Variants in CLVS2 observed in about 807,000 individuals in gnomAD.
CLVS2 encodes the protein clavesin 2.
In CLVS2, 19 loss-of-function variants were observed where a neutral mutation model predicts 29.0. The ratio of observed to expected loss-of-function variants is 0.66; its 90% CI spans 0.46 to 0.96. The LOEUF (loss-of-function observed/expected upper bound fraction) is 0.96, where lower values mean the gene tolerates loss of function less well. Among genes scored for constraint, CLVS2 ranks in the 40% least tolerant of loss-of-function variants. CLVS2 has a pLI of 0.00. For missense variants in CLVS2, 294 were observed against 404.1 expected, an observed-to-expected ratio of 0.73 and a Z score of 2.34; for synonymous variants, 161 against 151.3, an observed-to-expected ratio of 1.06 and a Z score of -0.47.
intron 2 of CLVS2, among the ~76,000 whole-genome samples, chr6:123,008,262 T>C (rs1774697842): frequency 6.6e-6 from 1 of 152,090 alleles, no homozygotes; most frequent in South Asian, 2.1e-4. Context: ...AGATATTGAA[T>C]TCAAAAAAGG....
At chr6:123,055,732 C>G (rs1489718722) in intron 4 of CLVS2, 74 bp from the exon 5 acceptor site, 2 of 1,046,774 alleles carry the variant, frequency 1.9e-6, no homozygotes, top group Non-Finnish European at 3.0e-6. Context: ...ATCCTCACAT[C>G]CCCCCTGTAG....
intron 5 of CLVS2, among the ~76,000 whole-genome samples, chr6:123,060,702 G>A (rs1772763217): frequency 6.6e-6 from 1 of 152,054 alleles, no homozygotes; most frequent in Non-Finnish European, 1.5e-5. Context: ...TTTGTGCCGG[G>A]GTTTATGGAT....
intron 3 of CLVS2, among the ~76,000 whole-genome samples, chr6:123,037,710 C>T (rs949929645): frequency 9.2e-5 from 14 of 151,988 alleles, no homozygotes; most frequent in African/African-American, 3.1e-4. Context: ...CTGTCTCACA[C>T]ATTACTTAGT....
intron 3 of CLVS2, among the ~76,000 whole-genome samples, chr6:123,035,518 T>A (rs1327266652): frequency 6.6e-6 from 1 of 152,136 alleles, no homozygotes. Flanking sequence ...ATCTACCTAG[T>A]TGAGCTACAC....
chr6:123,063,799 A>G lies in CLVS2; in HGVS notation c.*38A>G. 2 of 1,414,526 alleles carry G rather than the reference A, an allele frequency of 1.4e-6. No individual in the cohort carries two copies. The highest frequency in any genetic ancestry group is 2.0e-6 in the Non-Finnish European group (2 of 1,000,518). The allele number at this position is 1,414,526 out of a possible 1,614,324, so 87.6% of individuals were successfully genotyped here. ...ATCCCCTTCATGGATTAGAAATGGA[A>G]AGTATTGGTTTTCAGCAACAGGGAC... On this transcript the variant is annotated 3_prime_UTR_variant, in exon 6 of 6. Transcript: ENST00000275162.
chr6:122,998,540 C>T (rs1223209385), intron 2 of CLVS2, among the ~76,000 whole-genome samples: 1 of 152,100 alleles, frequency 6.6e-6, no homozygotes, highest in Non-Finnish European at 1.5e-5. Flanking sequence ...CCTCCTTCTT[C>T]CTAAAAAAAT....
intron 5 of CLVS2, among the ~76,000 whole-genome samples, chr6:123,057,841 C>A (rs76599622): frequency 1.3e-5 from 2 of 152,108 alleles, no homozygotes; most frequent in African/African-American, 4.8e-5. Context: ...TCTTTTAGAA[C>A]AGAACTTCTC....
At chr6:123,001,101 G>C (rs1774582716) in intron 2 of CLVS2, among the ~76,000 whole-genome samples, 2 of 152,174 alleles carry the variant, frequency 1.3e-5, no homozygotes, top group Admixed American at 1.3e-4. Flanking sequence ...GAGTTGAATT[G>C]AGTTATGCAT....
At chr6:123,002,417 T>C (rs571261117) in intron 2 of CLVS2, among the ~76,000 whole-genome samples, 2 of 152,244 alleles carry the variant, frequency 1.3e-5, no homozygotes, top group South Asian at 4.1e-4. Flanking sequence ...TATTTGTGGT[T>C]CAGTTTGAAT....
intron 5 of CLVS2, among the ~76,000 whole-genome samples, chr6:123,060,845 G>A (rs1477661035): frequency 6.6e-6 from 1 of 152,182 alleles, no homozygotes; most frequent in East Asian, 1.9e-4. Flanking sequence ...GCTGTTATTA[G>A]CAACTGGAGT....
intron 2 of CLVS2, among the ~76,000 whole-genome samples, chr6:123,004,934 A>G (rs1222628080): frequency 2.2e-5 from 2 of 90,244 alleles, no homozygotes; most frequent in African/African-American, 5.3e-5. Flanking sequence ...ACAAAAACAA[A>G]AACAAAAACA....
intron 2 of CLVS2, among the ~76,000 whole-genome samples, chr6:123,007,592 A>C (rs1186303233): frequency 5.9e-5 from 9 of 152,200 alleles, no homozygotes; most frequent in Admixed American, 5.9e-4. Context: ...TATGGGTATT[A>C]AAGTCTGCTC....
At chr6:123,054,124 G>T (rs761325563) in intron 4 of CLVS2, among the ~76,000 whole-genome samples, 1 of 152,252 alleles carries the variant, frequency 6.6e-6, no homozygotes, top group Admixed American at 6.5e-5. Context: ...TTATTACCAT[G>T]ACTCTTGCAT....
intron 3 of CLVS2, among the ~76,000 whole-genome samples, chr6:123,014,706 C>A (rs1401174139): frequency 6.6e-6 from 1 of 152,018 alleles, no homozygotes; most frequent in Non-Finnish European, 1.5e-5. Context: ...TGTGTGCTGC[C>A]TTTCTCACAA....
At chr6:123,037,048 C>T (rs931483152) in intron 3 of CLVS2, among the ~76,000 whole-genome samples, 5 of 152,062 alleles carry the variant, frequency 3.3e-5, no homozygotes, top group Non-Finnish European at 7.4e-5. Context: ...TACATGTATT[C>T]ATGAATCTTT....
At chr6:123,039,364 T>G (rs1178017696) in intron 3 of CLVS2, among the ~76,000 whole-genome samples, 1 of 152,196 alleles carries the variant, frequency 6.6e-6, no homozygotes, top group Non-Finnish European at 1.5e-5. Context: ...CATAGAAAAT[T>G]AATACACTCA....
intron 3 of CLVS2, among the ~76,000 whole-genome samples, chr6:123,041,033 A>G (rs748128362): frequency 6.6e-6 from 1 of 152,144 alleles, no homozygotes; most frequent in Non-Finnish European, 1.5e-5. Context: ...AACTCATGCC[A>G]TTGTATGGGC....
At chr6:123,038,917 T>C (rs893316168) in intron 3 of CLVS2, among the ~76,000 whole-genome samples, 4 of 152,214 alleles carry the variant, frequency 2.6e-5, no homozygotes, top group Non-Finnish European at 5.9e-5. Flanking sequence ...AACTGATGTC[T>C]GGAAGCAACA....
intron 5 of CLVS2, among the ~76,000 whole-genome samples, chr6:123,061,043 G>A (rs2114369425): frequency 6.6e-6 from 1 of 152,372 alleles, no homozygotes; most frequent in South Asian, 2.1e-4. Flanking sequence ...GCCCATGCCT[G>A]TAATCCCAGC....
Sources: gnomAD v4.1 joint callset for allele counts (sites outside exome capture counted in the v4.1 genomes callset) on GRCh38, gnomAD v4.1.1 for gene constraint, MANE v1.5 for transcripts, NCBI Gene and HGNC (gene_info 2026-07-23, HGNC 2026-07-21) for gene names.